The following GLCCI1 variants were observed in gnomAD, a reference collection of about 807,000 sequenced individuals.
GLCCI1 encodes the protein glucocorticoid-induced transcript 1 protein.
GLCCI1 carries 24 observed loss-of-function variants against 52.2 expected under a neutral mutation model. The observed-to-expected ratio is 0.46, with a 90% CI of 0.33 to 0.65. GLCCI1 has a LOEUF of 0.65. GLCCI1 is among the 30% of genes least tolerant of loss of function. The probability of loss-of-function intolerance (pLI) is 0.02; values close to 1 mark genes in which losing one functional copy is unlikely to be tolerated. For synonymous variants in GLCCI1, 310 were observed against 276.5 expected (o/e 1.12, Z -1.20); for missense variants, 704 against 701.5 (o/e 1.00, Z -0.04).
Position 8,057,798 on chromosome 7 carries a change from C to CAA in GLCCI1, c.813+2250_813+2251insAA, listed in dbSNP as rs200913556. 5.0e-3 allele frequency among the ~76,000 whole-genome samples: 762 copies of CAA among 152,238 alleles called. 6 individuals are homozygous for CAA. Among genetic ancestry groups the CAA allele is most frequent in the African/African-American group, 0.017 (726 of 41,556 alleles). On this transcript the variant is annotated intron_variant, in intron 4 of 7. Coordinates refer to ENST00000223145, the MANE Select transcript of GLCCI1 (RefSeq NM_138426.4). Reference sequence around the variant, plus strand: ...TTTCTCTAGGAGTCCAGTGCGCTTACACTAGATCACTTGACTGAACAAAGA... The same window carrying CAA: ...TTTCTCTAGGAGTCCAGTGCGCTTACAAACTAGATCACTTGACTGAACAAAGA...
intron 6 of GLCCI1, among the ~76,000 whole-genome samples, chr7:8,072,678 C>T (rs1277645507): frequency 1.3e-5 from 2 of 152,010 alleles, no homozygotes; most frequent in Non-Finnish European, 2.9e-5. Context: ...ATGGAGAAAC[C>T]AGTCTGTCTT....
At chr7:8,036,792 T>C (rs951118267) in intron 3 of GLCCI1, among the ~76,000 whole-genome samples, 2 of 152,060 alleles carry the variant, frequency 1.3e-5, no homozygotes, top group Non-Finnish European at 2.9e-5. Context: ...ACTAAACCAA[T>C]GAGAAGAAAG....
intron 3 of GLCCI1, among the ~76,000 whole-genome samples, chr7:8,040,077 T>G (rs1040599463): frequency 4.6e-5 from 7 of 151,338 alleles, no homozygotes; most frequent in Non-Finnish European, 1.0e-4. Context: ...ACCCCCTAAA[T>G]CTATATAAAA....
At chr7:8,054,759 C>T (rs1305155397) in intron 3 of GLCCI1, among the ~76,000 whole-genome samples, 1 of 152,032 alleles carries the variant, frequency 6.6e-6, no homozygotes, top group East Asian at 1.9e-4. Context: ...TTTCCTTTTA[C>T]ATCACCTAAA....
chr7:7,977,083 A>G (rs980676819), intron 1 of GLCCI1, among the ~76,000 whole-genome samples: 1 of 152,172 alleles, frequency 6.6e-6, no homozygotes, highest in East Asian at 1.9e-4. Flanking sequence ...GCCATAAAGA[A>G]AACTTTTGTG....
At chr7:7,998,107 A>G (rs138912083) in intron 1 of GLCCI1, among the ~76,000 whole-genome samples, 163 of 151,588 alleles carry the variant, frequency 1.1e-3, no homozygotes, top group African/African-American at 3.7e-3. Flanking sequence ...TTACTCTGGC[A>G]CTTTCATTTT....
chr7:7,979,457 G>A (rs548126453), intron 1 of GLCCI1, among the ~76,000 whole-genome samples: 1 of 150,524 alleles, frequency 6.6e-6, no homozygotes, highest in South Asian at 2.1e-4. Flanking sequence ...AGCTTTTTCT[G>A]GTGTTCTGTT....
chr7:8,031,649 T>G (rs1275589282), intron 3 of GLCCI1, among the ~76,000 whole-genome samples: 1 of 152,090 alleles, frequency 6.6e-6, no homozygotes, highest in Non-Finnish European at 1.5e-5. Flanking sequence ...CCAAAATATC[T>G]CATGTGTCCC....
chr7:8,034,308 A>G (rs189817002), intron 3 of GLCCI1, among the ~76,000 whole-genome samples: 36 of 152,324 alleles, frequency 2.4e-4, no homozygotes, highest in African/African-American at 8.2e-4. Context: ...TCTAGAATAT[A>G]TTAATTAGAC....
At chr7:8,074,045 G>C (rs1349637541) in intron 6 of GLCCI1, among the ~76,000 whole-genome samples, 1 of 152,166 alleles carries the variant, frequency 6.6e-6, no homozygotes, top group Non-Finnish European at 1.5e-5. Context: ...TTAGAATTGG[G>C]AGTTGAGGTT....
intron 6 of GLCCI1, among the ~76,000 whole-genome samples, chr7:8,077,545 G>A (rs183290551): frequency 3.4e-4 from 52 of 152,240 alleles, no homozygotes; most frequent in African/African-American, 1.2e-3. Context: ...ATGTGCCCTT[G>A]GACAAGCTAC....
At chr7:8,064,228 A>G (rs1782581447) in intron 5 of GLCCI1, among the ~76,000 whole-genome samples, 1 of 151,990 alleles carries the variant, frequency 6.6e-6, no homozygotes, top group Non-Finnish European at 1.5e-5. Context: ...GTGTTTTTAT[A>G]GTTTCAGGTT....
chr7:8,079,632 G>A (rs552448775), intron 6 of GLCCI1, among the ~76,000 whole-genome samples: 2 of 151,634 alleles, frequency 1.3e-5, no homozygotes, highest in Admixed American at 6.5e-5. Context: ...TGTTGTGGAA[G>A]AAGCACTGTA....
chr7:8,029,093 T>C (rs1781690099), intron 3 of GLCCI1, among the ~76,000 whole-genome samples: 1 of 152,074 alleles, frequency 6.6e-6, no homozygotes, highest in African/African-American at 2.4e-5. Context: ...ACTTTCAAAC[T>C]CATTCTACAA....
intron 2 of GLCCI1, among the ~76,000 whole-genome samples, chr7:8,016,985 G>C (rs1362302595): frequency 6.6e-6 from 1 of 152,202 alleles, no homozygotes; most frequent in Non-Finnish European, 1.5e-5. Context: ...GAGCATGTGA[G>C]GGCTGTGAAA....
intron 2 of GLCCI1, among the ~76,000 whole-genome samples, chr7:8,013,587 A>G (rs1781314413): frequency 6.6e-6 from 1 of 152,236 alleles, no homozygotes; most frequent in South Asian, 2.1e-4. Context: ...ACAATTAAAT[A>G]TGAATTCAGG....
intron 2 of GLCCI1, among the ~76,000 whole-genome samples, chr7:8,006,806 C>T (rs984120371): frequency 1.3e-5 from 2 of 152,216 alleles, no homozygotes; most frequent in Non-Finnish European, 2.9e-5. Flanking sequence ...AGGCCCACCT[C>T]GTCTGAGCCT....
intron 5 of GLCCI1, among the ~76,000 whole-genome samples, chr7:8,063,253 T>C (rs542011180): frequency 6.6e-6 from 1 of 152,274 alleles, no homozygotes; most frequent in East Asian, 1.9e-4. Flanking sequence ...TTCTCCTGCC[T>C]CAGCCTCCCA....
intron 1 of GLCCI1, among the ~76,000 whole-genome samples, chr7:8,001,842 T>C (rs38005): frequency 0.76 from 114,874 of 152,044 alleles, 43,847 homozygotes; most frequent in African/African-American, 0.87. Context: ...TCTGAGCAAA[T>C]TATCGCAAGG....
Sources: gnomAD v4.1 joint callset for allele counts (sites outside exome capture counted in the v4.1 genomes callset) on GRCh38, gnomAD v4.1.1 for gene constraint, MANE v1.5 for transcripts, NCBI Gene and HGNC (gene_info 2026-07-23, HGNC 2026-07-21) for gene names.